MPZL1: variants seen among roughly 807,000 people sequenced by gnomAD.
MPZL1 encodes the protein myelin protein zero-like protein 1.
In MPZL1, 16 loss-of-function variants were observed where a neutral mutation model predicts 29.3. That is an observed-to-expected ratio of 0.55 (90% CI 0.37 to 0.83). The LOEUF (loss-of-function observed/expected upper bound fraction) is 0.83. MPZL1 is among the 40% of genes least tolerant of loss of function. The pLI, the probability that MPZL1 is intolerant of heterozygous loss-of-function variation, is 0.00. For missense variants in MPZL1, 279 were observed against 332.9 expected, an observed-to-expected ratio of 0.84 and a Z score of 1.26; for synonymous variants, 143 against 132.0, an observed-to-expected ratio of 1.08 and a Z score of -0.57.
intron 1 of MPZL1, among the ~76,000 whole-genome samples, chr1:167,749,612 C>G (rs1660715898): frequency 6.6e-6 from 1 of 152,208 alleles, no homozygotes; most frequent in Non-Finnish European, 1.5e-5. Context: ...CAGTTCTTCA[C>G]TAAGAGACTA....
At chr1:167,780,018 A>G (rs1558125733) in intron 5 of MPZL1, among the ~76,000 whole-genome samples, 1 of 152,242 alleles carries the variant, frequency 6.6e-6, no homozygotes, top group African/African-American at 2.4e-5. Flanking sequence ...ATAATCCTAA[A>G]TGTTTATACT....
In MPZL1 at chr1:167,788,009, T is replaced by G; in HGVS notation, c.*88T>G. The G allele has an allele frequency of 9.3e-7, 1 of 1,076,158 alleles. No homozygotes were observed. The highest frequency in any genetic ancestry group is 1.4e-6 in the Non-Finnish European group (1 of 704,368). The allele number at this position is 1,076,158 out of a possible 1,614,324, so 66.7% of individuals were successfully genotyped here. ...TGTAGCCCATTACCACATGTAGCCT[T>G]GGAGACCCAGGCAAGGACAAGTACA... On this transcript the variant is annotated 3_prime_UTR_variant, in exon 6 of 6. Coordinates refer to ENST00000359523, the MANE Select transcript of MPZL1 (RefSeq NM_003953.6).
intron 1 of MPZL1, among the ~76,000 whole-genome samples, chr1:167,745,230 G>T (rs1660620456): frequency 6.6e-6 from 1 of 152,076 alleles, no homozygotes; most frequent in South Asian, 2.1e-4. Context: ...TTGCCCTGAG[G>T]AAAGGGGTAC....
intron 1 of MPZL1, among the ~76,000 whole-genome samples, chr1:167,758,093 G>T (rs572283694): frequency 1.3e-5 from 2 of 151,770 alleles, no homozygotes; most frequent in Non-Finnish European, 2.9e-5. Context: ...GGTGGAGGTT[G>T]CAGTGAGTTG....
At chr1:167,737,470 G>A (rs1183625147) in intron 1 of MPZL1, among the ~76,000 whole-genome samples, 2 of 152,202 alleles carry the variant, frequency 1.3e-5, no homozygotes, top group Non-Finnish European at 2.9e-5. Flanking sequence ...CAATAAGATC[G>A]TAACGTCAGT....
At chr1:167,748,325 A>G (rs1027161966) in intron 1 of MPZL1, among the ~76,000 whole-genome samples, 3 of 152,192 alleles carry the variant, frequency 2.0e-5, no homozygotes, top group African/African-American at 7.2e-5. Flanking sequence ...TCTTTTTGAT[A>G]TAGCCATCCT....
At chr1:167,755,958 G>A (rs1476056257) in intron 1 of MPZL1, among the ~76,000 whole-genome samples, 1 of 152,068 alleles carries the variant, frequency 6.6e-6, no homozygotes, top group Non-Finnish European at 1.5e-5. Flanking sequence ...GAAATCCCAG[G>A]GCTTTAGAGT....
At chr1:167,766,933 TA>T (rs1480503778) in intron 2 of MPZL1, among the ~76,000 whole-genome samples, 34 of 152,364 alleles carry the variant, frequency 2.2e-4, no homozygotes, top group Admixed American at 1.7e-3. Context: ...TGCTTCTCAG[TA>T]TTTTTTAAAA....
chr1:167,740,897 C>T (rs1427284093), intron 1 of MPZL1, among the ~76,000 whole-genome samples: 2 of 152,232 alleles, frequency 1.3e-5, no homozygotes, highest in Non-Finnish European at 2.9e-5. Flanking sequence ...CATCCCTTCT[C>T]TTCACTCCCA....
chr1:167,763,677 AGTCTTGTGCTTT>A (rs1473589387), intron 1 of MPZL1, among the ~76,000 whole-genome samples: 2 of 152,182 alleles, frequency 1.3e-5, no homozygotes, highest in African/African-American at 4.8e-5. Context: ...CCACTAGTCT[AGTCTTGTGCTTT>A]GTCCTTCATT....
At chr1:167,736,086 C>G (rs1417597940) in intron 1 of MPZL1, among the ~76,000 whole-genome samples, 1 of 152,062 alleles carries the variant, frequency 6.6e-6, no homozygotes, top group Non-Finnish European at 1.5e-5. Flanking sequence ...TTTTGCTTTC[C>G]TTAACATGGT....
Position 167,765,720 on chromosome 1 carries a change from C to T in MPZL1, c.229C>T (p.Gln77Ter). ...GTTGACCTCAGTCTCCTGGAGCTTC[C>T]AGCCAGAGGGGGCCGACACTACTGT... Reference protein sequence around the residue: ...GGLTSVSWSFQPEGADTTVSF... With the variant: ...GGLTSVSWSF Residue 77 changes from glutamine (Q) to a stop codon, truncating the protein, a stop_gained, in exon 2 of 6, where the codon CAG (glutamine) becomes TAG (stop). Transcript: ENST00000359523. LOFTEE classifies it high-confidence loss of function. The T allele has an allele frequency of 6.2e-7, 1 of 1,611,002 alleles. No homozygotes were observed.
chr1:167,787,720 G>T, intron 5 of MPZL1, 100 bp from the exon 6 acceptor site: 1 of 817,450 alleles, frequency 1.2e-6, no homozygotes, highest in Admixed American at 2.3e-5. Context: ...TCTTTGCTTT[G>T]GAACCCTGAT....
In MPZL1 at chr1:167,746,119, G is replaced by A. The variant is rs114128150; in HGVS notation, c.92-19464G>A. 3.7e-3 allele frequency among the ~76,000 whole-genome samples: 567 copies of A among 152,152 alleles called. 9 individuals are homozygous for A. The highest frequency in any genetic ancestry group is 0.013 in the African/African-American group (546 of 41,562). On this transcript the variant is annotated intron_variant, in intron 1 of 5. Coordinates refer to ENST00000359523, the MANE Select transcript of MPZL1 (RefSeq NM_003953.6). ...ATACCTATGATTAGACCACGAGTTA[G>A]GGGAGACTTTGCAGTGGTGATTGCC...
intron 1 of MPZL1, among the ~76,000 whole-genome samples, chr1:167,759,258 G>GTT (rs1660931567): frequency 6.6e-6 from 1 of 152,074 alleles, no homozygotes; most frequent in African/African-American, 2.4e-5. Context: ...ATATCTCAAT[G>GTT]GTCTTTACAT....
chr1:167,769,118 C>G (rs1483247501), intron 2 of MPZL1, among the ~76,000 whole-genome samples: 1 of 152,220 alleles, frequency 6.6e-6, no homozygotes, highest in Non-Finnish European at 1.5e-5. Flanking sequence ...CTCACATTCC[C>G]TATTTATGAA....
At position 167,776,056 on chromosome 1, in the gene MPZL1, T is replaced by A. The variant is rs753783052; in HGVS notation, c.606-8T>A. The stretch of plus-strand genomic sequence containing the variant: ...TTACATTTGTTCTTCAAATTGCCAA[T>A]TCATCAGCTGCAGTACATCAGAGAG... On this transcript the variant is annotated splice_region_variant and splice_polypyrimidine_tract_variant and intron_variant, in intron 4 of 5. Transcript: ENST00000359523. 1 of 1,565,260 alleles carries A rather than the reference T, an allele frequency of 6.4e-7. No individual in the cohort carries two copies. Among genetic ancestry groups the A allele is most frequent in the South Asian group, 1.2e-5 (1 of 81,284 alleles).
chr1:167,744,510 C>T (rs1349293114), intron 1 of MPZL1, among the ~76,000 whole-genome samples: 1 of 151,898 alleles, frequency 6.6e-6, no homozygotes, highest in Admixed American at 6.6e-5. Flanking sequence ...ATGGCAAACC[C>T]CTGTCTCTAC....
At chr1:167,744,320 C>T (rs1201019224) in intron 1 of MPZL1, among the ~76,000 whole-genome samples, 1 of 151,970 alleles carries the variant, frequency 6.6e-6, no homozygotes, top group East Asian at 1.9e-4. Flanking sequence ...TTGTTAAAAA[C>T]TTACAAAGGG....
Sources: allele counts gnomAD v4.1 joint callset (sites outside exome capture counted in the v4.1 genomes callset), GRCh38; gene constraint gnomAD v4.1.1; transcripts MANE v1.5; gene names NCBI Gene and HGNC (gene_info 2026-07-23, HGNC 2026-07-21).